Variants in ZFAND3 observed in about 807,000 individuals in gnomAD.
The protein encoded by ZFAND3 is zinc finger AN1-type containing 3.
In ZFAND3, 10 loss-of-function variants were observed where a neutral mutation model predicts 29.6. The ratio of observed to expected loss-of-function variants is 0.34; its 90% CI spans 0.21 to 0.57. The LOEUF is 0.57. Among genes scored for constraint, ZFAND3 ranks in the 20% least tolerant of loss-of-function variants. The pLI, the probability that ZFAND3 is intolerant of heterozygous loss-of-function variation, is 0.86. For synonymous variants in ZFAND3, 128 were observed against 112.6 expected (o/e 1.14, Z -0.87); for missense variants, 230 against 304.5 (o/e 0.76, Z 1.82).
At chr6:37,995,449 G>A (rs1364538281) in intron 2 of ZFAND3, among the ~76,000 whole-genome samples, 1 of 152,118 alleles carries the variant, frequency 6.6e-6, no homozygotes, top group Non-Finnish European at 1.5e-5. Context: ...ATTAATGAAA[G>A]GTTCTGGAGG....
chr6:37,845,102 A>G (rs905217205), intron 1 of ZFAND3, among the ~76,000 whole-genome samples: 2 of 152,042 alleles, frequency 1.3e-5, no homozygotes, highest in East Asian at 1.9e-4. Flanking sequence ...CACTTCTACC[A>G]TATTCCGTGG....
chr6:37,888,274 C>T (rs1765031498), intron 1 of ZFAND3, among the ~76,000 whole-genome samples: 1 of 152,082 alleles, frequency 6.6e-6, no homozygotes, highest in Non-Finnish European at 1.5e-5. Flanking sequence ...GTCATTAAAA[C>T]CAGACTTGCA....
chr6:38,120,204 A>C (rs939978251), intron 5 of ZFAND3, among the ~76,000 whole-genome samples: 1 of 151,438 alleles, frequency 6.6e-6, no homozygotes. Flanking sequence ...CTGAATTGAC[A>C]CCTAGAGGAT....
intron 2 of ZFAND3, among the ~76,000 whole-genome samples, chr6:38,044,407 C>T (rs952333850): frequency 6.6e-6 from 1 of 150,950 alleles, no homozygotes; most frequent in African/African-American, 2.4e-5. Context: ...GGCAGGGTAA[C>T]GTTTTTAGTT....
intron 2 of ZFAND3, among the ~76,000 whole-genome samples, chr6:38,049,443 G>T (rs1004596013): frequency 6.6e-6 from 1 of 152,184 alleles, no homozygotes; most frequent in Non-Finnish European, 1.5e-5. Flanking sequence ...TAAGTAACTT[G>T]CCCAAGGTTA....
At chr6:37,835,729 T>G (rs538947757) in intron 1 of ZFAND3, among the ~76,000 whole-genome samples, 228 of 151,880 alleles carry the variant, frequency 1.5e-3, no homozygotes, top group African/African-American at 5.2e-3. Flanking sequence ...TTCCTATGCA[T>G]GTACTGCATT....
chr6:37,985,134 G>T (rs1036134076), intron 2 of ZFAND3, among the ~76,000 whole-genome samples: 3 of 152,094 alleles, frequency 2.0e-5, no homozygotes, highest in African/African-American at 7.2e-5. Context: ...GGCACTAGAG[G>T]AATGTGATAC....
At chr6:37,941,843 A>G (rs966594055) in intron 2 of ZFAND3, among the ~76,000 whole-genome samples, 2 of 152,154 alleles carry the variant, frequency 1.3e-5, no homozygotes, top group Non-Finnish European at 2.9e-5. Context: ...GTTTTGTTGT[A>G]TCCATATTTA....
At chr6:37,954,748 G>A (rs967013691) in intron 2 of ZFAND3, among the ~76,000 whole-genome samples, 3 of 152,152 alleles carry the variant, frequency 2.0e-5, no homozygotes, top group African/African-American at 7.2e-5. Context: ...ATACAGTTAA[G>A]TTACTTGGAA....
rs375206704 is a variant in ZFAND3 at position 38,149,110 on chromosome 6, C to A, written c.530-3125C>A. Among the ~76,000 whole-genome samples, 195 of 152,114 alleles carry A rather than the reference C, an allele frequency of 1.3e-3. No individual in the cohort carries two copies. In the South Asian group the frequency reaches 0.024, roughly 18 times the overall value. On this transcript the variant is annotated intron_variant, in intron 5 of 5. Coordinates refer to ENST00000287218, the MANE Select transcript of ZFAND3 (RefSeq NM_021943.3). Reference sequence around the variant, plus strand: ...TTTGAAAGCATTCCTCCTGCCTTGGCCTCTCAAAGTGCTGGGATTAGAGGG... The same window carrying A: ...TTTGAAAGCATTCCTCCTGCCTTGGACTCTCAAAGTGCTGGGATTAGAGGG...
At chr6:38,067,573 C>A (rs1313918085) in intron 3 of ZFAND3, among the ~76,000 whole-genome samples, 2 of 152,224 alleles carry the variant, frequency 1.3e-5, no homozygotes, top group Non-Finnish European at 2.9e-5. Flanking sequence ...TAAAACATTT[C>A]TTTCTGCTTT....
intron 2 of ZFAND3, among the ~76,000 whole-genome samples, chr6:37,964,364 A>G (rs1762254582): frequency 6.6e-6 from 1 of 152,190 alleles, no homozygotes; most frequent in Admixed American, 6.5e-5. Context: ...TCTTGGGGAA[A>G]ATGTGAACTT....
chr6:37,976,004 A>G (rs1368850612), intron 2 of ZFAND3, among the ~76,000 whole-genome samples: 4 of 152,176 alleles, frequency 2.6e-5, no homozygotes, highest in African/African-American at 7.2e-5. Flanking sequence ...CTTTCAATCT[A>G]TGATAGAAGT....
chr6:38,057,976 G>T (rs1014036166), intron 2 of ZFAND3, among the ~76,000 whole-genome samples: 3 of 152,112 alleles, frequency 2.0e-5, no homozygotes, highest in Admixed American at 1.3e-4. Flanking sequence ...AGGCATAGAA[G>T]GAGTATGGGT....
intron 2 of ZFAND3, among the ~76,000 whole-genome samples, chr6:37,969,639 C>A (rs1276639317): frequency 6.6e-6 from 1 of 152,100 alleles, no homozygotes; most frequent in Non-Finnish European, 1.5e-5. Context: ...TAACTCAAAC[C>A]ATTGAACATC....
chr6:37,821,342 T>C (rs1247590444), intron 1 of ZFAND3, among the ~76,000 whole-genome samples: 2 of 152,250 alleles, frequency 1.3e-5, no homozygotes, highest in African/African-American at 2.4e-5. Flanking sequence ...CAAAAATAAG[T>C]TGTGGCATAT....
At chr6:37,905,996 A>G (rs1186648871) in intron 1 of ZFAND3, among the ~76,000 whole-genome samples, 1 of 152,202 alleles carries the variant, frequency 6.6e-6, no homozygotes, top group African/African-American at 2.4e-5. Context: ...CAAGTTAAAA[A>G]TGTTGTACAC....
At chr6:37,837,793 A>G (rs1370538892) in intron 1 of ZFAND3, among the ~76,000 whole-genome samples, 2 of 152,230 alleles carry the variant, frequency 1.3e-5, no homozygotes, top group Non-Finnish European at 2.9e-5. Context: ...GGCATGAGCC[A>G]TTACGCCCGG....
intron 1 of ZFAND3, among the ~76,000 whole-genome samples, chr6:37,886,952 T>G (rs1765005996): frequency 6.6e-6 from 1 of 152,188 alleles, no homozygotes; most frequent in Non-Finnish European, 1.5e-5. Flanking sequence ...TGCAGTGAGC[T>G]GACATCACAT....
Sources: allele counts gnomAD v4.1 joint callset (sites outside exome capture counted in the v4.1 genomes callset), GRCh38; gene constraint gnomAD v4.1.1; transcripts MANE v1.5; gene names NCBI Gene and HGNC (gene_info 2026-07-23, HGNC 2026-07-21).